The following MYO1D variants were observed in gnomAD, a reference collection of about 807,000 sequenced individuals.
The protein encoded by MYO1D is myosin ID.
In MYO1D, 83 loss-of-function variants were observed where a neutral mutation model predicts 122.0. The observed-to-expected ratio is 0.68, with a 90% CI of 0.57 to 0.82. MYO1D has a LOEUF of 0.82. Among genes scored for constraint, MYO1D ranks in the 40% least tolerant of loss-of-function variants. The pLI is 0.00. For synonymous variants in MYO1D, 464 were observed against 446.9 expected (o/e 1.04, Z -0.48); for missense variants, 1,157 against 1,269.5 (o/e 0.91, Z 1.35).
At chr17:32,539,165 G>A (rs1191012880) in intron 21 of MYO1D, among the ~76,000 whole-genome samples, 1 of 151,968 alleles carries the variant, frequency 6.6e-6, no homozygotes, top group East Asian at 1.9e-4. Context: ...TTAAAGGCCT[G>A]GCTCTGTGGC....
intron 21 of MYO1D, among the ~76,000 whole-genome samples, chr17:32,597,336 G>A (rs2087504858): frequency 6.6e-6 from 1 of 151,958 alleles, no homozygotes; most frequent in South Asian, 2.1e-4. Context: ...GACAAACACT[G>A]TTATCTATTT....
intron 16 of MYO1D, 54 bp from the exon 17 acceptor site, chr17:32,659,392 T>C: frequency 6.4e-7 from 1 of 1,565,132 alleles, no homozygotes; most frequent in African/African-American, 1.4e-5. Flanking sequence ...GAGTTGTGGA[T>C]GGCTTTGATA....
chr17:32,717,927 C>T (rs1318446371), intron 15 of MYO1D, among the ~76,000 whole-genome samples: 1 of 152,008 alleles, frequency 6.6e-6, no homozygotes, highest in Non-Finnish European at 1.5e-5. Context: ...TCGAATAGTG[C>T]CTCTCCCCTA....
intron 19 of MYO1D, among the ~76,000 whole-genome samples, chr17:32,642,678 C>G (rs975210694): frequency 6.6e-6 from 1 of 152,074 alleles, no homozygotes; most frequent in African/African-American, 2.4e-5. Flanking sequence ...GTATTTTATT[C>G]TCTTTGAAGC....
At chr17:32,569,813 T>G (rs1198326957) in intron 21 of MYO1D, among the ~76,000 whole-genome samples, 2 of 152,200 alleles carry the variant, frequency 1.3e-5, no homozygotes, top group African/African-American at 4.8e-5. Context: ...TTGAATATAT[T>G]AAAGAGCCAG....
intron 20 of MYO1D, among the ~76,000 whole-genome samples, chr17:32,629,038 TA>T (rs2087966936): frequency 6.6e-6 from 1 of 152,040 alleles, no homozygotes; most frequent in African/African-American, 2.4e-5. Context: ...ATTTCTTGAC[TA>T]AAAAAACAAA....
chr17:32,847,174 C>T (rs2090946026), intron 1 of MYO1D, among the ~76,000 whole-genome samples: 1 of 152,126 alleles, frequency 6.6e-6, no homozygotes, highest in Non-Finnish European at 1.5e-5. Flanking sequence ...TTTGGGAATT[C>T]TTCATACATG....
intron 18 of MYO1D, 62 bp downstream of exon 18, chr17:32,654,415 T>C (rs986817804): frequency 3.3e-6 from 5 of 1,512,594 alleles, no homozygotes; most frequent in African/African-American, 1.4e-5. Context: ...TTTGGAGATA[T>C]GTACTTCTCT....
intron 1 of MYO1D, among the ~76,000 whole-genome samples, chr17:32,828,515 C>CAAAAAAAAAAAAAAAAAA (rs137921871): frequency 1.4e-5 from 1 of 71,806 alleles, no homozygotes; most frequent in South Asian, 6.0e-4. Flanking sequence ...GACTCCGTCT[C>CAAAAAAAAAAAAAAAAAA]AAAAAAAAAA....
intron 12 of MYO1D, among the ~76,000 whole-genome samples, chr17:32,748,461 T>C (rs1209988376): frequency 2.0e-5 from 3 of 152,132 alleles, no homozygotes; most frequent in Admixed American, 6.5e-5. Context: ...AAGACCTCTC[T>C]ATACCCCTCT....
intron 16 of MYO1D, among the ~76,000 whole-genome samples, chr17:32,692,816 A>C (rs1428673298): frequency 6.6e-6 from 1 of 152,202 alleles, no homozygotes; most frequent in East Asian, 1.9e-4. Flanking sequence ...TCTACAGCAA[A>C]CAGGAAACTT....
intron 16 of MYO1D, among the ~76,000 whole-genome samples, chr17:32,680,995 G>C (rs954052845): frequency 1.3e-5 from 2 of 151,988 alleles, no homozygotes; most frequent in African/African-American, 4.8e-5. Context: ...TGTATGTGTC[G>C]AGGAATTTAT....
intron 16 of MYO1D, among the ~76,000 whole-genome samples, chr17:32,673,090 CTTTTTTTTTTTTTTTTTTTTT>C (rs60912187): frequency 1.7e-3 from 49 of 28,654 alleles, no homozygotes; most frequent in African/African-American, 3.2e-3. Flanking sequence ...AAACATGCTA[CTTTTTTTTTTTTTTTTTTTTT>C]TTTTTTTTTT....
intron 1 of MYO1D, among the ~76,000 whole-genome samples, chr17:32,839,772 A>AT (rs375915550): frequency 2.6e-5 from 4 of 152,190 alleles, no homozygotes; most frequent in South Asian, 4.2e-4. Context: ...TTTTTAATGC[A>AT]TTTTTTCCAC....
At chr17:32,559,632 G>C (rs1216232032) in intron 21 of MYO1D, among the ~76,000 whole-genome samples, 1 of 152,188 alleles carries the variant, frequency 6.6e-6, no homozygotes, top group Non-Finnish European at 1.5e-5. Context: ...TCTGGTTCCG[G>C]AGGCTGCCTG....
chr17:32,647,895 G>A (rs754347982), intron 19 of MYO1D, among the ~76,000 whole-genome samples: 1 of 152,014 alleles, frequency 6.6e-6, no homozygotes, highest in Non-Finnish European at 1.5e-5. Flanking sequence ...GTAACCAGCT[G>A]CTCTCTATTT....
At chr17:32,755,464 A>C in intron 11 of MYO1D, 28 bp downstream of exon 11, 1 of 1,602,552 alleles carries the variant, frequency 6.2e-7, no homozygotes, top group Non-Finnish European at 8.5e-7. Context: ...CACAGATAAA[A>C]GGAAGAAGGT....
chr17:32,598,158 G>A (rs1007622970), intron 21 of MYO1D, among the ~76,000 whole-genome samples: 2 of 152,160 alleles, frequency 1.3e-5, no homozygotes, highest in Non-Finnish European at 2.9e-5. Context: ...TGGACTGCTT[G>A]AGGCCAGGAG....
At chr17:32,591,598 G>T (rs2087439095) in intron 21 of MYO1D, among the ~76,000 whole-genome samples, 1 of 151,754 alleles carries the variant, frequency 6.6e-6, no homozygotes, top group African/African-American at 2.4e-5. Context: ...CTTCACTGGG[G>T]CAGTAGGGGA....
Sources: allele counts gnomAD v4.1 joint callset (sites outside exome capture counted in the v4.1 genomes callset), GRCh38; gene constraint gnomAD v4.1.1; transcripts MANE v1.5; gene names NCBI Gene and HGNC (gene_info 2026-07-23, HGNC 2026-07-21).